Variants in TOM1L1 observed in about 807,000 individuals in gnomAD.
TOM1L1 encodes target of myb1 like 1 membrane trafficking protein.
In TOM1L1, 64 loss-of-function variants were observed where a neutral mutation model predicts 63.4. The ratio of observed to expected loss-of-function variants is 1.01; its 90% CI spans 0.83 to 1.24. TOM1L1 has a LOEUF of 1.24. Ranked by LOEUF, TOM1L1 falls within the 50% of genes most tolerant of loss-of-function variation. The probability of loss-of-function intolerance (pLI) is 0.00; values close to 1 mark genes in which losing one functional copy is unlikely to be tolerated. For synonymous variants in TOM1L1, 166 were observed against 194.4 expected (o/e 0.85, Z 1.22); for missense variants, 536 against 567.0 (o/e 0.95, Z 0.55).
At chr17:54,946,912 C>T (rs144187756) in intron 11 of TOM1L1, among the ~76,000 whole-genome samples, 84 of 152,272 alleles carry the variant, frequency 5.5e-4, no homozygotes, top group African/African-American at 1.9e-3. Flanking sequence ...ACGTTTGCTC[C>T]GCTTTATCCT....
chr17:54,913,934 A>C, intron 5 of TOM1L1, 61 bp downstream of exon 5: 1 of 1,519,924 alleles, frequency 6.6e-7, no homozygotes, highest in Non-Finnish European at 8.8e-7. Flanking sequence ...GTCTTTTCTC[A>C]TTACAGGAGA....
intron 4 of TOM1L1, 88 bp downstream of exon 4, chr17:54,912,903 A>C: frequency 2.5e-6 from 3 of 1,213,460 alleles, no homozygotes; most frequent in Non-Finnish European, 1.1e-6. Flanking sequence ...CTTATCTTTT[A>C]TATATCTAGG....
chr17:54,958,730 CAAA>C (rs61603848), intron 14 of TOM1L1, among the ~76,000 whole-genome samples: 2 of 57,478 alleles, frequency 3.5e-5, no homozygotes, highest in Non-Finnish European at 9.5e-5. Flanking sequence ...AACTCCATCT[CAAA>C]AAAAAAAAAA....
chr17:54,916,864 C>G (rs1427882820), intron 7 of TOM1L1: 21 of 152,090 alleles, frequency 1.4e-4, no homozygotes, highest in Admixed American at 1.3e-3. Flanking sequence ...GCTTGCATAT[C>G]CAAAAATGTC....
chr17:54,936,596 T>C, intron 8 of TOM1L1, 53 bp from the exon 9 acceptor site: 2 of 1,442,284 alleles, frequency 1.4e-6, no homozygotes, highest in Non-Finnish European at 1.9e-6. Flanking sequence ...TAGATTTTTA[T>C]AGCATTTTCA....
At chr17:54,930,407 G>A (rs1158279746) in intron 8 of TOM1L1, 8 of 580,634 alleles carry the variant, frequency 1.4e-5, no homozygotes, top group Non-Finnish European at 1.7e-5. Flanking sequence ...CTTTCTCCTA[G>A]TTAAAGTGAC....
In TOM1L1 at chr17:54,902,259, C is replaced by T. The variant is rs537024133; in HGVS notation, c.58+1336C>T. ...TCTAGGGAGGTAAGCTTTGTCCATT[C>T]GGTGCCAGATTCAAGTTTTTTGTTG... On this transcript the variant is annotated intron_variant, in intron 1 of 15. Coordinates refer to ENST00000575882, the MANE Select transcript of TOM1L1 (RefSeq NM_005486.3). 2.0e-5 allele frequency among the ~76,000 whole-genome samples: 3 copies of T among 152,206 alleles called. No homozygotes were observed. In the South Asian group the frequency reaches 6.2e-4, roughly 32 times the overall value.
intron 7 of TOM1L1, chr17:54,916,615 A>G (rs528388340): frequency 6.6e-6 from 1 of 152,318 alleles, no homozygotes; most frequent in East Asian, 1.9e-4. Context: ...CAAGTTAAGA[A>G]GCTTAAGATA....
intron 14 of TOM1L1, among the ~76,000 whole-genome samples, chr17:54,956,054 C>T (rs1339147152): frequency 6.6e-6 from 1 of 152,160 alleles, no homozygotes; most frequent in Non-Finnish European, 1.5e-5. Flanking sequence ...AGGGCTCAAC[C>T]CTGGGTCTCA....
chr17:54,960,147 G>A (rs879751383), intron 14 of TOM1L1, among the ~76,000 whole-genome samples: 1 of 152,102 alleles, frequency 6.6e-6, no homozygotes, highest in Non-Finnish European at 1.5e-5. Flanking sequence ...TGGATCACCT[G>A]AGGTCAGGAG....
chr17:54,945,859 C>T (rs960798009), intron 11 of TOM1L1, among the ~76,000 whole-genome samples: 1 of 151,798 alleles, frequency 6.6e-6, no homozygotes. Flanking sequence ...ACATCTGTGT[C>T]CTCTTGGCAT....
At chr17:54,938,748 A>G (rs2143905499) in intron 10 of TOM1L1, 176 bp from the exon 11 acceptor site, 1 of 492,426 alleles carries the variant, frequency 2.0e-6, no homozygotes, top group East Asian at 3.4e-5. Flanking sequence ...TCTTAGAGCT[A>G]GGAAATCTCA....
At chr17:54,904,155 C>G (rs183136292) in intron 2 of TOM1L1, among the ~76,000 whole-genome samples, 3 of 152,004 alleles carry the variant, frequency 2.0e-5, no homozygotes, top group African/African-American at 4.8e-5. Context: ...ATCATGAGGT[C>G]GGGAGATGGA....
intron 14 of TOM1L1, among the ~76,000 whole-genome samples, chr17:54,959,866 C>G (rs555267670): frequency 3.6e-4 from 55 of 152,240 alleles, no homozygotes; most frequent in South Asian, 1.4e-3. Flanking sequence ...ATCCACCCAC[C>G]TCAGCCTCCC....
At chr17:54,903,573 C>T (rs2048361079) in intron 1 of TOM1L1, 135 bp from the exon 2 acceptor site, 1 of 758,246 alleles carries the variant, frequency 1.3e-6, no homozygotes, top group Non-Finnish European at 2.2e-6. Context: ...GAGAACTGTT[C>T]CAAAAAAAAT....
chr17:54,900,995 C>T, intron 1 of TOM1L1, 72 bp downstream of exon 1: 2 of 1,601,992 alleles, frequency 1.2e-6, no homozygotes, highest in Non-Finnish European at 1.7e-6. Context: ...GATCCATTCT[C>T]GGCCTGCAGA....
intron 7 of TOM1L1, among the ~76,000 whole-genome samples, chr17:54,922,627 G>A (rs1451731416): frequency 6.6e-6 from 1 of 152,130 alleles, no homozygotes; most frequent in Non-Finnish European, 1.5e-5. Context: ...ATTTCTTTAA[G>A]AAAATTATAA....
chr17:54,905,566 C>T lies in TOM1L1; in HGVS notation c.221C>T (p.Ser74Leu). 1 of 1,544,904 alleles carries T rather than the reference C, an allele frequency of 6.5e-7. No individual in the cohort carries two copies. The highest frequency in any genetic ancestry group is 8.9e-7 in the Non-Finnish European group (1 of 1,120,878). ...CATAAAGAAATCCAACTTACCTTGT[C>T]AGTAAGTACTTTAATTTTATAATTA... ...YNHKEIQLTL[S>L]LIDMCVQNCG... The change falls in exon 3 of 16, where the codon TCA (serine) becomes TTA (leucine). Residue 74 changes from serine (S) to leucine (L), a missense_variant and splice_region_variant. Coordinates refer to ENST00000575882, the MANE Select transcript of TOM1L1 (RefSeq NM_005486.3).
At chr17:54,960,297 A>C (rs1021986258) in intron 14 of TOM1L1, among the ~76,000 whole-genome samples, 3 of 152,140 alleles carry the variant, frequency 2.0e-5, no homozygotes, top group Non-Finnish European at 4.4e-5. Context: ...CCTGGGAGGC[A>C]GAGGTTGCAG....
Sources: allele counts gnomAD v4.1 joint callset (sites outside exome capture counted in the v4.1 genomes callset), GRCh38; gene constraint gnomAD v4.1.1; transcripts MANE v1.5; gene names NCBI Gene and HGNC (gene_info 2026-07-23, HGNC 2026-07-21).